The following ATP4B variants were observed in gnomAD, a reference collection of about 807,000 sequenced individuals.
ATP4B encodes ATPase H+/K+ transporting subunit beta, also known as potassium-transporting ATPase subunit beta.
ATP4B carries 27 observed loss-of-function variants against 35.3 expected under a neutral mutation model. That is an observed-to-expected ratio of 0.76 (90% CI 0.56 to 1.05). ATP4B has a LOEUF of 1.05. Among genes scored for constraint, ATP4B ranks in the 50% least tolerant of loss-of-function variants. The probability of loss-of-function intolerance (pLI) is 0.00; values close to 1 mark genes in which losing one functional copy is unlikely to be tolerated. For synonymous variants in ATP4B, 162 were observed against 156.0 expected, an observed-to-expected ratio of 1.04 and a Z score of -0.29; for missense variants, 375 against 384.8, an observed-to-expected ratio of 0.97 and a Z score of 0.21.
Position 113,654,923 on chromosome 13 carries a change from G to A in ATP4B, c.132C>T (p.Tyr44=), listed in dbSNP as rs547647371. The A allele has an allele frequency of 6.1e-5, 99 of 1,614,212 alleles. No homozygotes were observed. Among genetic ancestry groups the A allele is most frequent in the South Asian group, 1.8e-4 (16 of 91,086 alleles). ...LSRWVWISLY[Y]VAFYVVMTGL... is the part of the protein sequence containing the mutation. ...CAGTCATCACCACGTAGAAGGCCAC[G>A]TAGTACAGGCTGATCCACACTGCGA... The change falls in exon 2 of 7, where the codon TAC becomes TAT. Residue 44 remains tyrosine (Y), a synonymous_variant. Coordinates refer to ENST00000335288, the MANE Select transcript of ATP4B (RefSeq NM_000705.4).
intron 1 of ATP4B, among the ~76,000 whole-genome samples, chr13:113,655,169 T>A (rs1395094837): frequency 6.6e-6 from 1 of 152,100 alleles, no homozygotes; most frequent in South Asian, 2.1e-4. Flanking sequence ...CGTCTGGACG[T>A]CCACATAGGC....
At position 113,650,249 on chromosome 13, in the gene ATP4B, C is replaced by T. The variant is rs1341127735; in HGVS notation, c.714+157G>A. On this transcript the variant is annotated intron_variant, in intron 6 of 6. Coordinates refer to ENST00000335288, the MANE Select transcript of ATP4B (RefSeq NM_000705.4). This position sits in a 1 kb window ranked among gnomAD's most constrained non-coding sequence, Gnocchi z 5.0. ...GAATGTTTCCAGGTAGATACAAGAACCTGGGCTTGGGAAACACGCAGAACG... is the reference window on the plus strand; with the variant it reads ...GAATGTTTCCAGGTAGATACAAGAATCTGGGCTTGGGAAACACGCAGAACG... 1.3e-5 allele frequency among the ~76,000 whole-genome samples: 2 copies of T among 151,944 alleles called. No homozygotes were observed. The highest frequency in any genetic ancestry group is 2.9e-5 in the Non-Finnish European group (2 of 67,998).
rs769703117 is a variant in ATP4B at position 113,654,821 on chromosome 13, C to A, written c.234G>T (p.Arg78=). The stretch of plus-strand genomic sequence containing the variant: ...AACATCCCGGGCGCTTACCTGGTGA[C>A]CGTAGCTGGTCTTGGTAGTCCGGTG... ...PYTPDYQDQL[R]SPGVTLRPDV... The change falls in exon 2 of 7, where the codon CGG becomes CGT. Residue 78 remains arginine (R), a synonymous_variant. Coordinates refer to ENST00000335288, the MANE Select transcript of ATP4B (RefSeq NM_000705.4). 3.7e-6 allele frequency: 6 copies of A among 1,613,982 alleles called. No individual in the cohort carries two copies. In the South Asian group the frequency reaches 6.6e-5, roughly 18 times the overall value.
Position 113,650,571 on chromosome 13 carries a change from G to T in ATP4B, c.613-64C>A. On this transcript the variant is annotated intron_variant, in intron 5 of 6. Transcript: ENST00000335288. The surrounding 1 kb of genome is among the most constrained non-coding windows in gnomAD (Gnocchi z 5.0). Reference sequence around the variant, plus strand: ...TGGTGTGTGCCGGTGTCTGTGTGTTGCGTTTGTGTGCGTGTGTGCACACAC... The same window carrying T: ...TGGTGTGTGCCGGTGTCTGTGTGTTTCGTTTGTGTGCGTGTGTGCACACAC... 1 of 1,309,518 alleles carries T rather than the reference G, an allele frequency of 7.6e-7. No homozygotes were observed. The highest frequency in any genetic ancestry group is 1.3e-5 in the South Asian group (1 of 75,542). 81.1% of individuals were successfully genotyped at this position (1,309,518 alleles called of 1,614,324 possible).
rs548023758 is a variant in ATP4B at position 113,649,298 on chromosome 13, G to A, written c.*76C>T. 113 of 1,499,638 alleles carry A rather than the reference G, an allele frequency of 7.5e-5. No individual in the cohort carries two copies. Among genetic ancestry groups the A allele is most frequent in the Non-Finnish European group, 9.8e-5 (109 of 1,114,630 alleles). 92.9% of individuals were successfully genotyped at this position (1,499,638 alleles called of 1,614,324 possible). ...GGGGATGATTTGGCAGGGAACTGAC[G>A]GGCAAGGTAAGCCCAACCAGGAGGG... On this transcript the variant is annotated 3_prime_UTR_variant, in exon 7 of 7. Transcript: ENST00000335288. This position sits in a 1 kb window ranked among gnomAD's most constrained non-coding sequence, Gnocchi z 4.7.
chr13:113,656,160 C>T (rs1486304040), intron 1 of ATP4B, among the ~76,000 whole-genome samples: 2 of 152,220 alleles, frequency 1.3e-5, no homozygotes, highest in African/African-American at 4.8e-5. Flanking sequence ...TCTGTCCTGT[C>T]ACTGGATCAC....
At position 113,650,306 on chromosome 13, in the gene ATP4B, G is replaced by T; in HGVS notation, c.714+100C>A. 2 of 1,186,492 alleles carry T rather than the reference G, an allele frequency of 1.7e-6. No individual in the cohort carries two copies. The highest frequency in any genetic ancestry group is 2.5e-6 in the Non-Finnish European group (2 of 810,218). The allele number at this position is 1,186,492 out of a possible 1,614,324, so 73.5% of individuals were successfully genotyped here. A position where few individuals can be genotyped will look rare whatever the true frequency, so the allele number is the denominator to read the frequency against. ...TCAGGACCGGCTAAGTCACACCTTT[G>T]TTTCATTTTTCTACATGAAGGGGCT... On this transcript the variant is annotated intron_variant, in intron 6 of 6. Coordinates refer to ENST00000335288, the MANE Select transcript of ATP4B (RefSeq NM_000705.4). This position sits in a 1 kb window ranked among gnomAD's most constrained non-coding sequence, Gnocchi z 5.0.
intron 2 of ATP4B, among the ~76,000 whole-genome samples, chr13:113,654,228 G>A (rs9670276): frequency 9.9e-5 from 15 of 152,170 alleles, no homozygotes; most frequent in African/African-American, 1.7e-4. Flanking sequence ...AAATCTATAC[G>A]TGGTTTAAAA....
intron 5 of ATP4B, among the ~76,000 whole-genome samples, chr13:113,651,133 C>A (rs186127510): frequency 6.6e-6 from 1 of 151,796 alleles, no homozygotes; most frequent in Non-Finnish European, 1.5e-5. Flanking sequence ...AATGGAACCA[C>A]GCTGTGAAAC....
At chr13:113,655,083 C>A in intron 1 of ATP4B, 141 bp from the exon 2 acceptor site, 1 of 1,177,370 alleles carries the variant, frequency 8.5e-7, no homozygotes. Flanking sequence ...AAAACAGAAA[C>A]CCCGTCCCCA....
rs139092590 is a variant in ATP4B at position 113,656,412 on chromosome 13, G to C, written c.113-1470C>G. On this transcript the variant is annotated intron_variant, in intron 1 of 6. Transcript: ENST00000335288. ...CTGACCCACTCTGTGGCGAGTCTCA[G>C]CTCCACCAGGCGGCTCAGCCCTGCC... Among the ~76,000 whole-genome samples the C allele has an allele frequency of 5.9e-3, 906 of 152,320 alleles. 12 individuals are homozygous for C. Among genetic ancestry groups the C allele is most frequent in the African/African-American group, 0.021 (857 of 41,566 alleles).
intron 2 of ATP4B, 28 bp from the exon 3 acceptor site, chr13:113,653,462 G>A (rs760505999): frequency 1.8e-5 from 29 of 1,583,332 alleles, no homozygotes; most frequent in East Asian, 1.1e-4. Context: ...TGTGCTTAGC[G>A]TCTCCAAATG....
intron 1 of ATP4B, among the ~76,000 whole-genome samples, chr13:113,657,582 C>T (rs1312516510): frequency 6.6e-6 from 1 of 152,250 alleles, no homozygotes; most frequent in Non-Finnish European, 1.5e-5. Flanking sequence ...CTCCCCACCT[C>T]CGCATCTGGA....
intron 1 of ATP4B, among the ~76,000 whole-genome samples, chr13:113,657,822 C>T (rs937625972): frequency 4.6e-5 from 7 of 152,382 alleles, no homozygotes; most frequent in Admixed American, 3.3e-4. Context: ...GCTGGGGCTC[C>T]AGGTCAACTC....
intron 2 of ATP4B, 101 bp downstream of exon 2, chr13:113,654,713 T>G: frequency 6.8e-7 from 1 of 1,477,154 alleles, no homozygotes. Context: ...TCCCTGGGCT[T>G]CATTTCTGGG....
At position 113,649,573 on chromosome 13, in the gene ATP4B, A is replaced by G. The variant is rs751261555; in HGVS notation, c.715-38T>C. 4.8e-6 allele frequency: 7 copies of G among 1,453,712 alleles called. No homozygotes were observed. In the Middle Eastern group the frequency reaches 1.0e-3, roughly 208 times the overall value. The allele number at this position is 1,453,712 out of a possible 1,614,324, so 90.1% of individuals were successfully genotyped here. ...TGAGGAAAGGACAGGTGTTTCAAAAATCTCTGAAGTTAAGGAGAGAAAACT... is the reference window on the plus strand; with the variant it reads ...TGAGGAAAGGACAGGTGTTTCAAAAGTCTCTGAAGTTAAGGAGAGAAAACT... On this transcript the variant is annotated intron_variant, in intron 6 of 6. Transcript: ENST00000335288. The surrounding 1 kb of genome is among the most constrained non-coding windows in gnomAD (Gnocchi z 4.7).
chr13:113,650,581 G>T lies in ATP4B; in HGVS notation c.613-74C>A. 1.6e-6 allele frequency: 2 copies of T among 1,230,928 alleles called. No individual in the cohort carries two copies. Among genetic ancestry groups the T allele is most frequent in the Non-Finnish European group, 2.3e-6 (2 of 866,002 alleles). The allele number at this position is 1,230,928 out of a possible 1,614,324, so 76.3% of individuals were successfully genotyped here. On this transcript the variant is annotated intron_variant, in intron 5 of 6. Coordinates refer to ENST00000335288, the MANE Select transcript of ATP4B (RefSeq NM_000705.4). This position sits in a 1 kb window ranked among gnomAD's most constrained non-coding sequence, Gnocchi z 5.0. ...CGGTGTCTGTGTGTTGCGTTTGTGT[G>T]CGTGTGTGCACACACGCGCTGTGTA... is the stretch of plus-strand genomic sequence containing the variant.
chr13:113,658,118 C>A lies in ATP4B; in HGVS notation c.27G>T (p.Thr9=), dbSNP rs202111590. 1.9e-6 allele frequency: 3 copies of A among 1,613,018 alleles called. No individual in the cohort carries two copies. Among genetic ancestry groups the A allele is most frequent in the Non-Finnish European group, 2.5e-6 (3 of 1,179,812 alleles). The change falls in exon 1 of 7, where the codon ACG becomes ACT. Residue 9 remains threonine (T), a synonymous_variant. Coordinates refer to ENST00000335288, the MANE Select transcript of ATP4B (RefSeq NM_000705.4). MAALQEKK[T]CGQRMEEFQR... The stretch of plus-strand genomic sequence containing the variant: ...GGAACTCCTCCATGCGCTGGCCACA[C>A]GTCTTCTTCTCCTGCAGAGCCGCCA...
intron 1 of ATP4B, among the ~76,000 whole-genome samples, chr13:113,656,042 C>G (rs538934178): frequency 2.0e-5 from 3 of 152,264 alleles, no homozygotes; most frequent in Non-Finnish European, 4.4e-5. Context: ...CTTTCCCCGC[C>G]GGGCGTCCCT....
Sources: gnomAD v4.1 joint callset for allele counts (sites outside exome capture counted in the v4.1 genomes callset) on GRCh38, gnomAD v4.1.1 for gene constraint, Gnocchi (gnomAD v3.1) non-coding constraint, MANE v1.5 for transcripts, NCBI Gene and HGNC (gene_info 2026-07-23, HGNC 2026-07-21) for gene names.